The following ABTB3 variants were observed in gnomAD, a reference collection of about 807,000 sequenced individuals.
ABTB3 encodes ankyrin repeat and BTB domain containing 3.
chr12:107,342,876 G>T, the ABTB3 span, among the ~76,000 whole-genome samples: 1 of 152,122 alleles, frequency 6.6e-6, no homozygotes, highest in Non-Finnish European at 1.5e-5. Flanking sequence ...GGCTTTGCTT[G>T]CTGTCTGTAA....
At chr12:107,423,882 A>G in the ABTB3 span, among the ~76,000 whole-genome samples, 1 of 152,192 alleles carries the variant, frequency 6.6e-6, no homozygotes, top group South Asian at 2.1e-4. Flanking sequence ...TTTCAGTGAC[A>G]TCTGCTCACT....
the ABTB3 span, among the ~76,000 whole-genome samples, chr12:107,510,592 G>A: frequency 6.6e-6 from 1 of 152,102 alleles, no homozygotes; most frequent in Admixed American, 6.6e-5. Context: ...GCGATGCAGG[G>A]TGTTATTTTT....
At chr12:107,614,934 CCGAGGCAT>C in the ABTB3 span, 1 of 728,800 alleles carries the variant, frequency 1.4e-6, no homozygotes, top group Non-Finnish European at 2.3e-6. Context: ...CCAGCTCTTC[CCGAGGCAT>C]CTTCCAGGAT....
At chr12:107,437,553 C>T in the ABTB3 span, among the ~76,000 whole-genome samples, 1 of 152,182 alleles carries the variant, frequency 6.6e-6, no homozygotes, top group East Asian at 1.9e-4. Context: ...TATGCCACCA[C>T]ATCTAGCTAA....
At chr12:107,489,373 A>G in the ABTB3 span, among the ~76,000 whole-genome samples, 1 of 152,076 alleles carries the variant, frequency 6.6e-6, no homozygotes, top group Non-Finnish European at 1.5e-5. Flanking sequence ...ATACAAAACC[A>G]GCCGGGCGTG....
At chr12:107,377,335 G>A in the ABTB3 span, among the ~76,000 whole-genome samples, 1 of 151,944 alleles carries the variant, frequency 6.6e-6, no homozygotes, top group South Asian at 2.1e-4. Flanking sequence ...CCTCTGTCCG[G>A]TTTTGCTTCT....
At chr12:107,433,666 G>C in the ABTB3 span, among the ~76,000 whole-genome samples, 1 of 152,236 alleles carries the variant, frequency 6.6e-6, no homozygotes, top group Non-Finnish European at 1.5e-5. Flanking sequence ...TCTAAGCAAA[G>C]ATGTAAGCTC....
the ABTB3 span, among the ~76,000 whole-genome samples, chr12:107,546,948 C>A: frequency 6.6e-6 from 1 of 152,274 alleles, no homozygotes; most frequent in African/African-American, 2.4e-5. Context: ...AATCCCAGCA[C>A]TTTGGTAGGC....
the ABTB3 span, among the ~76,000 whole-genome samples, chr12:107,379,112 A>C: frequency 6.6e-6 from 1 of 152,204 alleles, no homozygotes; most frequent in Admixed American, 6.5e-5. Context: ...TTGCCCTTCT[A>C]TATAATTGGG....
the ABTB3 span, among the ~76,000 whole-genome samples, chr12:107,384,698 C>T: frequency 6.6e-6 from 1 of 152,176 alleles, no homozygotes; most frequent in Non-Finnish European, 1.5e-5. Context: ...TTTGTACCCC[C>T]ACACCAACTA....
chr12:107,440,093 G>A, the ABTB3 span, among the ~76,000 whole-genome samples: 1 of 152,132 alleles, frequency 6.6e-6, no homozygotes. Flanking sequence ...TCCCCCCGCC[G>A]CTCCTTACAA....
At chr12:107,319,659 G>A in the ABTB3 span, 1 of 1,536,904 alleles carries the variant, frequency 6.5e-7, no homozygotes, top group South Asian at 1.2e-5. Context: ...CTGACAGCCT[G>A]CATGGAGAGC....
the ABTB3 span, among the ~76,000 whole-genome samples, chr12:107,557,443 T>C: frequency 6.6e-6 from 1 of 152,256 alleles, no homozygotes; most frequent in Non-Finnish European, 1.5e-5. Flanking sequence ...TATCATACAG[T>C]ACATGACTGT....
the ABTB3 span, among the ~76,000 whole-genome samples, chr12:107,517,100 C>T: frequency 6.6e-6 from 1 of 152,148 alleles, no homozygotes; most frequent in Admixed American, 6.5e-5. Context: ...AGCCAGTTTT[C>T]CCAGCACCAT....
At chr12:107,448,534 C>G in the ABTB3 span, among the ~76,000 whole-genome samples, 1 of 152,332 alleles carries the variant, frequency 6.6e-6, no homozygotes, top group African/African-American at 2.4e-5. Context: ...TAAAGTAAAA[C>G]TCTAAACCAA....
chr12:107,555,100 A>T, the ABTB3 span, among the ~76,000 whole-genome samples: 2 of 152,204 alleles, frequency 1.3e-5, no homozygotes, highest in African/African-American at 4.8e-5. Context: ...AGCAGCTGCC[A>T]AGTGATAGCT....
the ABTB3 span, among the ~76,000 whole-genome samples, chr12:107,330,175 G>C: frequency 0.012 from 1,877 of 152,272 alleles, 13 homozygotes; most frequent in Non-Finnish European, 0.02. Flanking sequence ...GAATGGGAGA[G>C]GGTAGGGAGG....
chr12:107,643,631 T>C, the ABTB3 span, among the ~76,000 whole-genome samples: 1 of 124,392 alleles, frequency 8.0e-6, no homozygotes, highest in Non-Finnish European at 1.8e-5. Context: ...AGCTGTTGGG[T>C]TGGAAAGCTG....
the ABTB3 span, among the ~76,000 whole-genome samples, chr12:107,355,831 A>G: frequency 2.0e-5 from 3 of 152,168 alleles, no homozygotes; most frequent in Admixed American, 2.0e-4. Flanking sequence ...TTATTTAACC[A>G]TGTGTAACTT....
Sources: gnomAD v4.1 joint callset for allele counts (sites outside exome capture counted in the v4.1 genomes callset) on GRCh38, gnomAD v4.1.1 for gene constraint, MANE v1.5 for transcripts, NCBI Gene and HGNC (gene_info 2026-07-23, HGNC 2026-07-21) for gene names.